Variants in GRM7 observed in about 807,000 individuals in gnomAD.
GRM7 encodes metabotropic glutamate receptor 7.
Under a neutral mutation model 84.5 loss-of-function variants are expected in GRM7, and 35 were observed. The observed-to-expected ratio is 0.41, with a 90% CI of 0.32 to 0.55. The LOEUF (loss-of-function observed/expected upper bound fraction) is 0.55, where lower values mean the gene tolerates loss of function less well. GRM7 is among the 20% of genes least tolerant of loss of function. The pLI is 0.19. For synonymous variants in GRM7, 487 were observed against 455.1 expected (o/e 1.07, Z -0.89); for missense variants, 1,003 against 1,194.6 (o/e 0.84, Z 2.36).
At chr3:7,589,658 C>A (rs1379759795) in intron 8 of GRM7, among the ~76,000 whole-genome samples, 3 of 152,056 alleles carry the variant, frequency 2.0e-5, no homozygotes, top group African/African-American at 7.2e-5. Context: ...AGTTTTAGAT[C>A]ATAATGAAGG....
intron 8 of GRM7, chr3:7,607,656 G>T (rs1434289828): frequency 1.3e-5 from 2 of 151,526 alleles, no homozygotes; most frequent in African/African-American, 4.9e-5. Flanking sequence ...GGGGAGCGGG[G>T]GGCGAATGAT....
chr3:7,133,064 G>A (rs1317505894), intron 1 of GRM7, among the ~76,000 whole-genome samples: 1 of 151,818 alleles, frequency 6.6e-6, no homozygotes, highest in Admixed American at 6.6e-5. Flanking sequence ...AGAAGTTCCT[G>A]GCTGTGTCCA....
intron 1 of GRM7, among the ~76,000 whole-genome samples, chr3:7,143,644 G>A (rs1283518318): frequency 6.6e-6 from 1 of 152,146 alleles, no homozygotes; most frequent in African/African-American, 2.4e-5. Context: ...TGTAGAAAAT[G>A]CATTGCATTG....
At chr3:6,946,367 T>C (rs892567177) in intron 1 of GRM7, among the ~76,000 whole-genome samples, 1 of 152,220 alleles carries the variant, frequency 6.6e-6, no homozygotes, top group Non-Finnish European at 1.5e-5. Flanking sequence ...ATCAGATAGT[T>C]GTAGATATTT....
In GRM7 at chr3:7,271,410, T is replaced by C. The variant is rs1698849877; in HGVS notation, c.737-27274T>C. ...CCGTCTCTACTAAAAATACAAAAAA[T>C]TAGCCGGGCGTGGTGGCGGGCGCCT... On this transcript the variant is annotated intron_variant, in intron 2 of 9. Coordinates refer to ENST00000357716, the MANE Select transcript of GRM7 (RefSeq NM_000844.4). 2.6e-5 allele frequency among the ~76,000 whole-genome samples: 4 copies of C among 151,648 alleles called. No individual in the cohort carries two copies. In the South Asian group the frequency reaches 6.3e-4, roughly 24 times the overall value.
intron 8 of GRM7, among the ~76,000 whole-genome samples, chr3:7,661,265 A>G (rs1234317971): frequency 1.3e-5 from 2 of 152,226 alleles, no homozygotes; most frequent in Non-Finnish European, 2.9e-5. Flanking sequence ...GAGGCCAACA[A>G]CGCAGTAAAA....
Position 7,072,215 on chromosome 3 carries a change from G to A in GRM7, c.520-74237G>A, listed in dbSNP as rs114134103. ...TAGTTGTATAATCCCTTCCCCTCACGATCCATTAGTTATCCCAAACTCTTA... is the reference window on the plus strand; with the variant it reads ...TAGTTGTATAATCCCTTCCCCTCACAATCCATTAGTTATCCCAAACTCTTA... On this transcript the variant is annotated intron_variant, in intron 1 of 9. Transcript: ENST00000357716. Among the ~76,000 whole-genome samples, 647 of 152,152 alleles carry A rather than the reference G, an allele frequency of 4.3e-3. 6 individuals are homozygous for A. Among genetic ancestry groups the A allele is most frequent in the African/African-American group, 0.015 (613 of 41,532 alleles).
At chr3:7,682,834 T>C (rs1211572988) in intron 9 of GRM7, among the ~76,000 whole-genome samples, 1 of 152,226 alleles carries the variant, frequency 6.6e-6, no homozygotes, top group East Asian at 1.9e-4. Flanking sequence ...AAGGTACTCA[T>C]TGAAATAGGC....
At chr3:6,869,326 G>C (rs557570482) in intron 1 of GRM7, among the ~76,000 whole-genome samples, 7 of 152,158 alleles carry the variant, frequency 4.6e-5, no homozygotes, top group Admixed American at 1.3e-4. Flanking sequence ...CTGTCTGATA[G>C]AGTAATTGCA....
chr3:7,620,748 C>G (rs1435358395), intron 8 of GRM7, among the ~76,000 whole-genome samples: 1 of 151,994 alleles, frequency 6.6e-6, no homozygotes, highest in East Asian at 1.9e-4. Flanking sequence ...TTAAAATGAC[C>G]CAAATTATAA....
intron 2 of GRM7, among the ~76,000 whole-genome samples, chr3:7,189,208 T>A (rs1358634129): frequency 6.6e-6 from 1 of 152,192 alleles, no homozygotes; most frequent in African/African-American, 2.4e-5. Flanking sequence ...ATCCTGTATA[T>A]GCATACATAT....
chr3:7,357,740 G>A (rs1016380185), intron 4 of GRM7, among the ~76,000 whole-genome samples: 1 of 152,012 alleles, frequency 6.6e-6, no homozygotes, highest in Admixed American at 6.6e-5. Context: ...CAGGCTGACA[G>A]GTCACCATGT....
intron 8 of GRM7, among the ~76,000 whole-genome samples, chr3:7,584,687 G>A (rs1695427418): frequency 6.6e-6 from 1 of 152,196 alleles, no homozygotes; most frequent in Non-Finnish European, 1.5e-5. Flanking sequence ...ACAAAAGATG[G>A]CACTGGTTTG....
chr3:7,154,651 G>A (rs1694392016), intron 2 of GRM7, among the ~76,000 whole-genome samples: 1 of 152,110 alleles, frequency 6.6e-6, no homozygotes, highest in South Asian at 2.1e-4. Flanking sequence ...TCTTTACATA[G>A]AGGGGTAGAG....
At chr3:7,511,508 G>C (rs1464653236) in intron 7 of GRM7, among the ~76,000 whole-genome samples, 2 of 150,184 alleles carry the variant, frequency 1.3e-5, no homozygotes, top group Non-Finnish European at 2.9e-5. Flanking sequence ...CCTCATTACA[G>C]ACTGTGTTTG....
chr3:7,043,746 A>G (rs1252503382), intron 1 of GRM7, among the ~76,000 whole-genome samples: 2 of 152,186 alleles, frequency 1.3e-5, no homozygotes, highest in South Asian at 4.1e-4. Flanking sequence ...GCCTTTGTGC[A>G]TCAATTTTTA....
chr3:7,338,112 A>G (rs984364378), intron 4 of GRM7, among the ~76,000 whole-genome samples: 1 of 124,610 alleles, frequency 8.0e-6, no homozygotes, highest in Non-Finnish European at 1.6e-5. Context: ...ATATATATTT[A>G]TGTACACACA....
At chr3:7,078,079 C>A (rs1698155359) in intron 1 of GRM7, among the ~76,000 whole-genome samples, 1 of 152,178 alleles carries the variant, frequency 6.6e-6, no homozygotes, top group Admixed American at 6.5e-5. Flanking sequence ...TGTTTCAGTG[C>A]TGCCTGCAGG....
At chr3:6,916,507 C>T (rs961316602) in intron 1 of GRM7, among the ~76,000 whole-genome samples, 1 of 152,130 alleles carries the variant, frequency 6.6e-6, no homozygotes, top group African/African-American at 2.4e-5. Flanking sequence ...AAATTCATTT[C>T]TTAGAGTTCT....
Sources: gnomAD v4.1 joint callset for allele counts (sites outside exome capture counted in the v4.1 genomes callset) on GRCh38, gnomAD v4.1.1 for gene constraint, MANE v1.5 for transcripts, NCBI Gene and HGNC (gene_info 2026-07-23, HGNC 2026-07-21) for gene names.